The following STX8 variants were observed in gnomAD, a reference collection of about 807,000 sequenced individuals.
The protein encoded by STX8 is syntaxin 8.
STX8 carries 23 observed loss-of-function variants against 37.5 expected under a neutral mutation model. That is an observed-to-expected ratio of 0.61 (90% CI 0.44 to 0.87). The LOEUF is 0.87. STX8 is among the 40% of genes least tolerant of loss of function. The probability of loss-of-function intolerance (pLI) is 0.00; values close to 1 mark genes in which losing one functional copy is unlikely to be tolerated. For synonymous variants in STX8, 115 were observed against 99.1 expected, an observed-to-expected ratio of 1.16 and a Z score of -0.95; for missense variants, 313 against 284.7, an observed-to-expected ratio of 1.10 and a Z score of -0.71.
chr17:9,525,589 A>G (rs1248808051), intron 4 of STX8, among the ~76,000 whole-genome samples: 3 of 150,940 alleles, frequency 2.0e-5, no homozygotes, highest in African/African-American at 7.3e-5. Flanking sequence ...CTCATGATCT[A>G]CCCGCCTCAG....
chr17:9,436,196 AT>A (rs1189230893), intron 6 of STX8, among the ~76,000 whole-genome samples: 4 of 148,096 alleles, frequency 2.7e-5, no homozygotes, highest in South Asian at 2.2e-4. Flanking sequence ...AAAAAAAAAA[AT>A]AGCTGGGAGT....
At chr17:9,431,453 GT>G (rs568603260) in intron 6 of STX8, among the ~76,000 whole-genome samples, 2 of 115,318 alleles carry the variant, frequency 1.7e-5, no homozygotes, top group African/African-American at 6.7e-5. Flanking sequence ...TTGTTGTTTT[GT>G]TTTTTTTGTT....
intron 7 of STX8, among the ~76,000 whole-genome samples, chr17:9,353,103 CCGT>C (rs55764141): frequency 0.99 from 150,503 of 152,210 alleles, 74,425 homozygotes; most frequent in South Asian, 1. Context: ...ACTATGTTGA[CCGT>C]CAGACTGGCC....
intron 7 of STX8, among the ~76,000 whole-genome samples, chr17:9,275,651 T>C (rs147773501): frequency 0.013 from 1,928 of 151,458 alleles, 47 homozygotes; most frequent in African/African-American, 0.042. Flanking sequence ...GGGTGGATCA[T>C]GAGGTCAAGA....
rs967851075 is a variant in STX8 at position 9,250,764 on chromosome 17, C to T, written c.644-119G>A. 40 of 1,045,516 alleles carry T rather than the reference C, an allele frequency of 3.8e-5. 1 individual carries two copies. Among genetic ancestry groups the T allele is most frequent in the African/African-American group, 2.6e-4 (16 of 62,488 alleles). 64.8% of individuals were successfully genotyped at this position (1,045,516 alleles called of 1,614,324 possible). On this transcript the variant is annotated intron_variant, in intron 7 of 7. Coordinates refer to ENST00000306357, the MANE Select transcript of STX8 (RefSeq NM_004853.3). ...GTTCCCTCTGAGCCTTCAGTTTGTA[C>T]GAAGTGGAGAGAGGTGGTCGGTGGC... is the stretch of plus-strand genomic sequence containing the variant.
intron 6 of STX8, among the ~76,000 whole-genome samples, chr17:9,483,289 A>G (rs1384946874): frequency 6.7e-6 from 1 of 149,944 alleles, no homozygotes; most frequent in Non-Finnish European, 1.5e-5. Context: ...CCACGTTCAG[A>G]GTCAGCAGCG....
At chr17:9,465,244 T>C (rs930701847) in intron 6 of STX8, among the ~76,000 whole-genome samples, 1 of 152,094 alleles carries the variant, frequency 6.6e-6, no homozygotes, top group Non-Finnish European at 1.5e-5. Context: ...TTCAGAGTGA[T>C]TTAAACAGCT....
chr17:9,413,816 G>A (rs1046029853), intron 6 of STX8, among the ~76,000 whole-genome samples: 1 of 152,016 alleles, frequency 6.6e-6, no homozygotes, highest in Non-Finnish European at 1.5e-5. Context: ...ATACCTCAAC[G>A]GAAAAAAACT....
chr17:9,391,301 A>C (rs1032572766), intron 6 of STX8, among the ~76,000 whole-genome samples: 2 of 151,918 alleles, frequency 1.3e-5, no homozygotes, highest in African/African-American at 2.4e-5. Flanking sequence ...AAAACACAAA[A>C]ATTAGCCAGA....
intron 6 of STX8, among the ~76,000 whole-genome samples, chr17:9,408,298 T>C (rs1045502594): frequency 1.3e-5 from 2 of 152,156 alleles, no homozygotes; most frequent in Non-Finnish European, 2.9e-5. Context: ...GGTGTAAGCG[T>C]TGGTCACTAT....
chr17:9,376,124 G>T (rs889363482), intron 7 of STX8, among the ~76,000 whole-genome samples: 1 of 152,200 alleles, frequency 6.6e-6, no homozygotes, highest in Non-Finnish European at 1.5e-5. Context: ...GAGAGGTGAA[G>T]CCGGCTGGAC....
intron 6 of STX8, among the ~76,000 whole-genome samples, chr17:9,426,388 G>A (rs565023180): frequency 5.3e-5 from 8 of 152,164 alleles, no homozygotes; most frequent in Admixed American, 1.3e-4. Context: ...TTAGCTGGGC[G>A]TGGTGGTCGG....
chr17:9,524,182 A>C (rs539566783), intron 4 of STX8, among the ~76,000 whole-genome samples: 52 of 152,356 alleles, frequency 3.4e-4, no homozygotes, highest in Admixed American at 9.2e-4. Context: ...AAGATACACA[A>C]GGAGGAAAAA....
intron 7 of STX8, among the ~76,000 whole-genome samples, chr17:9,325,469 T>C (rs1441743677): frequency 6.6e-6 from 1 of 152,080 alleles, no homozygotes; most frequent in Non-Finnish European, 1.5e-5. Context: ...GCTTTATGGG[T>C]GTGTGACCCT....
intron 3 of STX8, chr17:9,556,836 G>A (rs796319319): frequency 1.0e-4 from 15 of 145,084 alleles, no homozygotes; most frequent in African/African-American, 3.8e-4. Context: ...CACTTGGTAG[G>A]AGGTTAAGAT....
At chr17:9,344,991 C>T (rs1910484323) in intron 7 of STX8, among the ~76,000 whole-genome samples, 2 of 152,050 alleles carry the variant, frequency 1.3e-5, no homozygotes, top group African/African-American at 2.4e-5. Flanking sequence ...ACAAAATCAT[C>T]GCTCTCTCTC....
At chr17:9,375,928 G>C (rs1444104425) in intron 7 of STX8, among the ~76,000 whole-genome samples, 1 of 152,140 alleles carries the variant, frequency 6.6e-6, no homozygotes, top group Admixed American at 6.5e-5. Context: ...CCAGGCTCTA[G>C]AGCTCACTCT....
At chr17:9,452,734 T>C (rs1198850641) in intron 6 of STX8, among the ~76,000 whole-genome samples, 3 of 152,106 alleles carry the variant, frequency 2.0e-5, no homozygotes, top group African/African-American at 7.2e-5. Context: ...GCCTTGGTTG[T>C]TGATGATTTT....
At chr17:9,274,776 G>C (rs1453116245) in intron 7 of STX8, among the ~76,000 whole-genome samples, 1 of 114,662 alleles carries the variant, frequency 8.7e-6, no homozygotes, top group Non-Finnish European at 1.8e-5. Flanking sequence ...TTTTGAGACG[G>C]AGTCTCGCTC....
Sources: allele counts gnomAD v4.1 joint callset (sites outside exome capture counted in the v4.1 genomes callset), GRCh38; gene constraint gnomAD v4.1.1; transcripts MANE v1.5; gene names NCBI Gene and HGNC (gene_info 2026-07-23, HGNC 2026-07-21).